MACROD2: variants seen among roughly 807,000 people sequenced by gnomAD.
MACROD2 encodes ADP-ribose glycohydrolase MACROD2.
In MACROD2, 36 loss-of-function variants were observed where a neutral mutation model predicts 70.4. The observed-to-expected ratio is 0.51, with a 90% CI of 0.39 to 0.68. The LOEUF (loss-of-function observed/expected upper bound fraction) is 0.68. MACROD2 is among the 30% of genes least tolerant of loss of function. The pLI, the probability that MACROD2 is intolerant of heterozygous loss-of-function variation, is 0.00. For synonymous variants in MACROD2, 172 were observed against 178.8 expected (o/e 0.96, Z 0.30); for missense variants, 496 against 538.4 (o/e 0.92, Z 0.78).
In MACROD2 at chr20:13,995,863, C is replaced by CGGGGGGGGGGGGTTTGGGGGGGGGGG; in HGVS notation, c.46+59_46+60insGGGGGGGTTTGGGGGGGGGGGGGGGG. The CGGGGGGGGGGGGTTTGGGGGGGGGGG allele has an allele frequency of 2.4e-6, 1 of 412,920 alleles. No homozygotes were observed. 25.6% of individuals were successfully genotyped at this position (412,920 alleles called of 1,614,324 possible). On this transcript the variant is annotated intron_variant, in intron 1 of 17. Transcript: ENST00000684519. The surrounding 1 kb of genome is among the most constrained non-coding windows in gnomAD (Gnocchi z 4.3). ...CGGGCGGTGGGGGTTAGGGTGGGGG[C>CGGGGGGGGGGGGTTTGGGGGGGGGGG]GGGGGTCAGGCTGTGTGTGCCGCGG...
chr20:15,292,947 A>G (rs2077554275), intron 6 of MACROD2, among the ~76,000 whole-genome samples: 2 of 152,152 alleles, frequency 1.3e-5, no homozygotes, highest in South Asian at 4.1e-4. Flanking sequence ...CTTGCATATT[A>G]TCTGATGGAG....
At chr20:14,410,063 G>T (rs2083733365) in intron 3 of MACROD2, among the ~76,000 whole-genome samples, 2 of 152,064 alleles carry the variant, frequency 1.3e-5, no homozygotes, top group Admixed American at 1.3e-4. Flanking sequence ...AGAAGTGTTG[G>T]GGAGTTGAAA....
Position 14,961,273 on chromosome 20 carries a change from G to A in MACROD2, c.419-268667G>A, listed in dbSNP as rs189353135. Among the ~76,000 whole-genome samples the A allele has an allele frequency of 2.6e-5, 4 of 152,100 alleles. No homozygotes were observed. In the East Asian group the frequency reaches 7.7e-4, roughly 29 times the overall value. ...TACTGAGAATATTAGAGGTGAAATG[G>A]CCCTTAAAAATCATGTAGTCCAAAA... On this transcript the variant is annotated intron_variant, in intron 5 of 17. Transcript: ENST00000684519.
At chr20:14,064,857 CAA>C (rs2053737310) in intron 2 of MACROD2, among the ~76,000 whole-genome samples, 1 of 152,070 alleles carries the variant, frequency 6.6e-6, no homozygotes, top group South Asian at 2.1e-4. Context: ...TGAATAAAGA[CAA>C]GATTAGTAAT....
intron 8 of MACROD2, among the ~76,000 whole-genome samples, chr20:15,573,411 A>C (rs1015031607): frequency 6.6e-6 from 1 of 152,252 alleles, no homozygotes; most frequent in African/African-American, 2.4e-5. Flanking sequence ...ATTTCAAATT[A>C]CTGTGTTCTG....
chr20:14,819,580 A>G (rs980450424), intron 5 of MACROD2, among the ~76,000 whole-genome samples: 1 of 151,986 alleles, frequency 6.6e-6, no homozygotes, highest in Non-Finnish European at 1.5e-5. Context: ...TATTAAACAG[A>G]TCAGTACATA....
At chr20:14,228,544 G>T (rs1027878451) in intron 3 of MACROD2, among the ~76,000 whole-genome samples, 1 of 151,860 alleles carries the variant, frequency 6.6e-6, no homozygotes, top group Non-Finnish European at 1.5e-5. Flanking sequence ...AATAGCAAAA[G>T]GTTAGAAAAG....
At chr20:14,145,835 A>G (rs1398578149) in intron 3 of MACROD2, among the ~76,000 whole-genome samples, 3 of 152,244 alleles carry the variant, frequency 2.0e-5, no homozygotes, top group African/African-American at 4.8e-5. Flanking sequence ...CAAAAAGGCA[A>G]TTAAATCTTC....
intron 4 of MACROD2, among the ~76,000 whole-genome samples, chr20:14,567,869 G>T (rs973394509): frequency 1.3e-5 from 2 of 152,006 alleles, no homozygotes; most frequent in Non-Finnish European, 2.9e-5. Flanking sequence ...TAAGCTCTTT[G>T]TAGACACTCC....
chr20:15,682,977 T>A (rs1303001211), intron 8 of MACROD2, among the ~76,000 whole-genome samples: 1 of 152,200 alleles, frequency 6.6e-6, no homozygotes, highest in Non-Finnish European at 1.5e-5. Context: ...ATTAAATATT[T>A]CCTGCTAAAA....
At chr20:16,022,785 T>C (rs149135718) in intron 15 of MACROD2, among the ~76,000 whole-genome samples, 1 of 152,346 alleles carries the variant, frequency 6.6e-6, no homozygotes, top group Non-Finnish European at 1.5e-5. Flanking sequence ...GTCCGTTGTT[T>C]CCTATAACGA....
At chr20:15,829,143 A>G (rs2064028358) in intron 8 of MACROD2, among the ~76,000 whole-genome samples, 1 of 151,828 alleles carries the variant, frequency 6.6e-6, no homozygotes, top group Admixed American at 6.6e-5. Flanking sequence ...CTGGTGTCAG[A>G]GTGGATATAT....
intron 5 of MACROD2, among the ~76,000 whole-genome samples, chr20:14,873,003 C>T (rs761842970): frequency 9.9e-5 from 15 of 152,228 alleles, no homozygotes; most frequent in Middle Eastern, 6.8e-3. Context: ...ATAGGGGAAA[C>T]TGCCCCCAAG....
intron 5 of MACROD2, among the ~76,000 whole-genome samples, chr20:15,207,839 AT>A (rs899762917): frequency 2.6e-5 from 4 of 151,492 alleles, no homozygotes; most frequent in African/African-American, 9.7e-5. Context: ...TGCATTCAAG[AT>A]TTTTTCTTTG....
At chr20:14,287,707 A>G (rs2082356134) in intron 3 of MACROD2, among the ~76,000 whole-genome samples, 1 of 152,118 alleles carries the variant, frequency 6.6e-6, no homozygotes, top group African/African-American at 2.4e-5. Context: ...CTAGATTCTC[A>G]TTTACAGGCT....
intron 8 of MACROD2, among the ~76,000 whole-genome samples, chr20:15,760,644 A>T (rs1488291196): frequency 6.6e-6 from 1 of 152,166 alleles, no homozygotes; most frequent in Non-Finnish European, 1.5e-5. Flanking sequence ...CAGGAGAGGG[A>T]GGAGAAGATA....
At position 14,326,855 on chromosome 20, in the gene MACROD2, C is replaced by T; in HGVS notation, c.272-166624C>T. ...TTAACTAGGTTGAAGAAAACTTTGT[C>T]ACCTAAACCATGATTGTTCAACAGG... is the stretch of plus-strand genomic sequence containing the variant. On this transcript the variant is annotated intron_variant, in intron 3 of 17. Transcript: ENST00000684519. This position sits in a 1 kb window ranked among gnomAD's most constrained non-coding sequence, Gnocchi z 5.5. 1 of 1,613,694 alleles carries T rather than the reference C, an allele frequency of 6.2e-7. No homozygotes were observed. The highest frequency in any genetic ancestry group is 8.5e-7 in the Non-Finnish European group (1 of 1,179,790).
chr20:14,751,166 G>A (rs1034565797), intron 5 of MACROD2, among the ~76,000 whole-genome samples: 1 of 152,120 alleles, frequency 6.6e-6, no homozygotes, highest in South Asian at 2.1e-4. Context: ...GCGCTCATGA[G>A]CCCAGCCCTC....
At chr20:15,014,271 A>AT (rs534042478) in intron 5 of MACROD2, among the ~76,000 whole-genome samples, 24 of 152,318 alleles carry the variant, frequency 1.6e-4, no homozygotes, top group African/African-American at 5.5e-4. Flanking sequence ...CACAAGTGGC[A>AT]TTTCCCATCC....
Sources: gnomAD v4.1 joint callset for allele counts (sites outside exome capture counted in the v4.1 genomes callset) on GRCh38, gnomAD v4.1.1 for gene constraint, Gnocchi (gnomAD v3.1) non-coding constraint, MANE v1.5 for transcripts, NCBI Gene and HGNC (gene_info 2026-07-23, HGNC 2026-07-21) for gene names.